Variants in NRG1 observed in about 807,000 individuals in gnomAD.
NRG1 encodes the protein pro-neuregulin-1, membrane-bound isoform.
In NRG1, 18 loss-of-function variants were observed where a neutral mutation model predicts 63.8. The observed-to-expected ratio is 0.28, with a 90% CI of 0.19 to 0.42. The LOEUF (loss-of-function observed/expected upper bound fraction) is 0.42, where lower values mean the gene tolerates loss of function less well. NRG1 is among the 10% of genes least tolerant of loss of function. The probability of loss-of-function intolerance (pLI) is 1.00; values close to 1 mark genes in which losing one functional copy is unlikely to be tolerated. For synonymous variants in NRG1, 302 were observed against 301.3 expected (o/e 1.00, Z -0.02); for missense variants, 762 against 814.7 (o/e 0.94, Z 0.79).
chr8:32,391,037 T>C (rs905961393), intron 1 of NRG1, among the ~76,000 whole-genome samples: 1 of 152,200 alleles, frequency 6.6e-6, no homozygotes, highest in Admixed American at 6.5e-5. Context: ...ACACACAACT[T>C]ATTTTATTTT....
intron 1 of NRG1, among the ~76,000 whole-genome samples, chr8:31,738,078 T>A (rs930273447): frequency 6.6e-5 from 10 of 152,140 alleles, no homozygotes; most frequent in African/African-American, 2.4e-4. Flanking sequence ...AGCAGCCATA[T>A]GGCAGTGAGC....
At chr8:31,913,991 C>T (rs547665649) in intron 1 of NRG1, among the ~76,000 whole-genome samples, 1 of 152,280 alleles carries the variant, frequency 6.6e-6, no homozygotes, top group South Asian at 2.1e-4. Flanking sequence ...TCGAGCAGTA[C>T]ATCATAGCAA....
Position 31,927,879 on chromosome 8 carries a change from T to TATA in NRG1, c.37+288452_37+288454dup, listed in dbSNP as rs1834518886. 2.7e-5 allele frequency among the ~76,000 whole-genome samples: 4 copies of TATA among 150,366 alleles called. 1 individual carries two copies. Reference sequence around the variant, plus strand: ...TAAAAAATTTTATTATTATTATTATTATAATACTTTAAGTTTTAGGGTACC... The same window carrying TATA: ...TAAAAAATTTTATTATTATTATTATTATAATAATACTTTAAGTTTTAGGGTACC... On this transcript the variant is annotated intron_variant, in intron 1 of 10. Coordinates refer to the NRG1 transcript ENST00000519301.
At chr8:31,940,280 A>T (rs185613498) in intron 1 of NRG1, among the ~76,000 whole-genome samples, 182 of 152,318 alleles carry the variant, frequency 1.2e-3, no homozygotes, top group African/African-American at 4.3e-3. Context: ...TGCAAATTAA[A>T]TAACTTGCTC....
chr8:31,745,807 T>A (rs1815792393), intron 1 of NRG1, among the ~76,000 whole-genome samples: 1 of 151,960 alleles, frequency 6.6e-6, no homozygotes, highest in Admixed American at 6.6e-5. Flanking sequence ...TCTTTATTGT[T>A]ATCAAGTAAA....
At chr8:32,330,556 G>T (rs1298553248) in intron 1 of NRG1, among the ~76,000 whole-genome samples, 2 of 152,180 alleles carry the variant, frequency 1.3e-5, no homozygotes, top group African/African-American at 4.8e-5. Context: ...AGCTGGGATG[G>T]CCCTTCAGAG....
At chr8:32,016,224 T>G (rs1001010997) in intron 1 of NRG1, among the ~76,000 whole-genome samples, 1 of 152,058 alleles carries the variant, frequency 6.6e-6, no homozygotes, top group African/African-American at 2.4e-5. Context: ...TGCAACTTCT[T>G]TTGTTTATTT....
At chr8:32,507,921 C>T (rs557464391) in intron 1 of NRG1, among the ~76,000 whole-genome samples, 1 of 152,274 alleles carries the variant, frequency 6.6e-6, no homozygotes, top group African/African-American at 2.4e-5. Flanking sequence ...TTGTCTCAAA[C>T]TCCTGACCTC....
chr8:31,799,601 T>A (rs958940880), intron 1 of NRG1, among the ~76,000 whole-genome samples: 3 of 152,102 alleles, frequency 2.0e-5, no homozygotes, highest in African/African-American at 7.2e-5. Context: ...TGAATTTATA[T>A]ATAATTTTGC....
At chr8:31,989,090 A>G (rs1810581243) in intron 1 of NRG1, among the ~76,000 whole-genome samples, 1 of 151,546 alleles carries the variant, frequency 6.6e-6, no homozygotes, top group Non-Finnish European at 1.5e-5. Context: ...CTCTACTAAA[A>G]ATACAAAAAT....
At chr8:32,753,691 C>T (rs1249668024) in intron 7 of NRG1, among the ~76,000 whole-genome samples, 1 of 152,218 alleles carries the variant, frequency 6.6e-6, no homozygotes, top group East Asian at 1.9e-4. Flanking sequence ...CCTGCTACCT[C>T]ATATTGTATT....
At chr8:32,503,567 C>A (rs771468703) in intron 1 of NRG1, among the ~76,000 whole-genome samples, 1 of 152,008 alleles carries the variant, frequency 6.6e-6, no homozygotes, top group African/African-American at 2.4e-5. Flanking sequence ...TAGCCTTAAA[C>A]CTCAGTAGTT....
chr8:32,103,008 C>T (rs943324365), intron 1 of NRG1, among the ~76,000 whole-genome samples: 34 of 152,106 alleles, frequency 2.2e-4, no homozygotes, highest in African/African-American at 6.7e-4. Context: ...AATGGGGTAT[C>T]CATCTCCTCA....
chr8:31,666,679 T>A (rs1443754851), intron 1 of NRG1, among the ~76,000 whole-genome samples: 1 of 152,224 alleles, frequency 6.6e-6, no homozygotes, highest in African/African-American at 2.4e-5. Context: ...AGTTGCTTTT[T>A]ATGATCTCTT....
intron 1 of NRG1, among the ~76,000 whole-genome samples, chr8:32,147,444 A>G (rs1421891035): frequency 6.6e-6 from 1 of 152,250 alleles, no homozygotes; most frequent in Non-Finnish European, 1.5e-5. Context: ...ATGAAAATGT[A>G]TAGGTGTATT....
intron 1 of NRG1, among the ~76,000 whole-genome samples, chr8:31,828,477 C>T (rs185362763): frequency 6.6e-6 from 1 of 152,268 alleles, no homozygotes; most frequent in Admixed American, 6.5e-5. Context: ...CACAGATCTT[C>T]CTTTCATGCT....
chr8:31,780,801 A>G (rs1038617605), intron 1 of NRG1, among the ~76,000 whole-genome samples: 3 of 152,174 alleles, frequency 2.0e-5, no homozygotes, highest in Admixed American at 6.5e-5. Flanking sequence ...CTGGGAGATG[A>G]GGAACCTTGG....
chr8:31,948,564 A>G (rs986952675), intron 1 of NRG1, among the ~76,000 whole-genome samples: 2 of 152,304 alleles, frequency 1.3e-5, no homozygotes, highest in African/African-American at 4.8e-5. Flanking sequence ...GGACATGTTT[A>G]TAATCTTCAG....
At chr8:32,628,112 T>C (rs1849615678) in intron 5 of NRG1, among the ~76,000 whole-genome samples, 1 of 152,218 alleles carries the variant, frequency 6.6e-6, no homozygotes, top group Non-Finnish European at 1.5e-5. Context: ...GAAAAGGAAG[T>C]TGCTGTTGCT....
Sources: gnomAD v4.1 joint callset for allele counts (sites outside exome capture counted in the v4.1 genomes callset) on GRCh38, gnomAD v4.1.1 for gene constraint, MANE v1.5 for transcripts, NCBI Gene and HGNC (gene_info 2026-07-23, HGNC 2026-07-21) for gene names.